The following UBASH3B variants were observed in gnomAD, a reference collection of about 807,000 sequenced individuals.
UBASH3B encodes ubiquitin associated and SH3 domain containing B, also known as ubiquitin-associated and SH3 domain-containing protein B.
Under a neutral mutation model 83.4 loss-of-function variants are expected in UBASH3B, and 37 were observed. That is an observed-to-expected ratio of 0.44 (90% CI 0.34 to 0.58). The LOEUF is 0.58. UBASH3B is among the 20% of genes least tolerant of loss of function. UBASH3B has a pLI of 0.01. For synonymous variants in UBASH3B, 304 were observed against 318.3 expected (o/e 0.96, Z 0.48); for missense variants, 657 against 827.2 (o/e 0.79, Z 2.52).
intron 1 of UBASH3B, among the ~76,000 whole-genome samples, chr11:122,688,083 C>T (rs1863830932): frequency 6.6e-6 from 1 of 152,098 alleles, no homozygotes; most frequent in Admixed American, 6.5e-5. Context: ...TGGTTTCCCA[C>T]CTATTTACTG....
intron 1 of UBASH3B, chr11:122,774,045 C>T (rs563726832): frequency 1.4e-5 from 14 of 984,948 alleles, no homozygotes; most frequent in East Asian, 1.1e-4. Context: ...TGTGCATACA[C>T]GGCTTCTGTA....
intron 9 of UBASH3B, among the ~76,000 whole-genome samples, chr11:122,797,458 C>T (rs1393071922): frequency 6.6e-6 from 1 of 152,218 alleles, no homozygotes; most frequent in Non-Finnish European, 1.5e-5. Context: ...CATTCCATTA[C>T]TGGCACGGGG....
intron 5 of UBASH3B, among the ~76,000 whole-genome samples, chr11:122,786,798 G>T (rs1342507822): frequency 6.6e-6 from 1 of 152,214 alleles, no homozygotes; most frequent in African/African-American, 2.4e-5. Context: ...AGTGAGAAAG[G>T]GCATTGGGGA....
intron 1 of UBASH3B, among the ~76,000 whole-genome samples, chr11:122,746,427 G>A (rs1299811360): frequency 6.6e-6 from 1 of 152,154 alleles, no homozygotes; most frequent in Non-Finnish European, 1.5e-5. Context: ...AGTTATCTGA[G>A]GTATAAGATG....
intron 11 of UBASH3B, 115 bp downstream of exon 11, chr11:122,801,447 A>T (rs1316359701): frequency 1.2e-5 from 15 of 1,232,930 alleles, no homozygotes; most frequent in Non-Finnish European, 1.6e-5. Flanking sequence ...GCAGTTGTCC[A>T]TAGTGGTGGA....
At chr11:122,809,308 C>T (rs1166186184) in intron 13 of UBASH3B, among the ~76,000 whole-genome samples, 1 of 152,220 alleles carries the variant, frequency 6.6e-6, no homozygotes, top group African/African-American at 2.4e-5. Context: ...CTCTTGACCT[C>T]AAGTGACCCG....
At chr11:122,720,242 A>T (rs189212070) in intron 1 of UBASH3B, among the ~76,000 whole-genome samples, 9 of 152,186 alleles carry the variant, frequency 5.9e-5, no homozygotes, top group Admixed American at 5.9e-4. Context: ...TCCAAGCAGG[A>T]TAACTCTTTC....
intron 1 of UBASH3B, among the ~76,000 whole-genome samples, chr11:122,674,379 CTTTTT>C (rs35529594): frequency 2.3e-5 from 3 of 133,174 alleles, no homozygotes; most frequent in African/African-American, 2.8e-5. Flanking sequence ...CATTGTCTGT[CTTTTT>C]TTTTTTTTTT....
chr11:122,738,078 G>A (rs931763025), intron 1 of UBASH3B, among the ~76,000 whole-genome samples: 1 of 152,188 alleles, frequency 6.6e-6, no homozygotes, highest in Non-Finnish European at 1.5e-5. Flanking sequence ...AACAAAGGGA[G>A]GGCTCCTAAT....
chr11:122,667,191 G>A (rs772934787), intron 1 of UBASH3B, among the ~76,000 whole-genome samples: 5 of 151,410 alleles, frequency 3.3e-5, no homozygotes, highest in East Asian at 1.9e-4. Flanking sequence ...TTACAGGCAC[G>A]CACCACCACC....
intron 1 of UBASH3B, among the ~76,000 whole-genome samples, chr11:122,766,876 A>G (rs947598175): frequency 5.9e-5 from 9 of 152,292 alleles, no homozygotes; most frequent in Non-Finnish European, 1.0e-4. Flanking sequence ...TTGTGCTTCT[A>G]CTCTCCCACC....
At chr11:122,711,423 C>T (rs1478553282) in intron 1 of UBASH3B, among the ~76,000 whole-genome samples, 1 of 152,208 alleles carries the variant, frequency 6.6e-6, no homozygotes, top group Non-Finnish European at 1.5e-5. Flanking sequence ...AGATGGTCAC[C>T]CCTGAGTCCA....
In UBASH3B at chr11:122,692,257, A is replaced by T. The variant is rs554203282; in HGVS notation, c.161+36047A>T. Among the ~76,000 whole-genome samples, 11 of 152,208 alleles carry T rather than the reference A, an allele frequency of 7.2e-5. No homozygotes were observed. The South Asian group carries it at 2.3e-3, about 32-fold the overall frequency. On this transcript the variant is annotated intron_variant, in intron 1 of 13. Coordinates refer to ENST00000284273, the MANE Select transcript of UBASH3B (RefSeq NM_032873.5). Reference sequence around the variant, plus strand: ...TATGTTTATGGTTTTACTGACCTCAACTCCAGGGACTTTTGGGATTGCTAA... The same window carrying T: ...TATGTTTATGGTTTTACTGACCTCATCTCCAGGGACTTTTGGGATTGCTAA...
chr11:122,797,857 A>G (rs900976703), intron 9 of UBASH3B, among the ~76,000 whole-genome samples: 3 of 152,212 alleles, frequency 2.0e-5, no homozygotes, highest in Non-Finnish European at 4.4e-5. Context: ...TGCAGGGGAA[A>G]CAAAGTGTCT....
intron 1 of UBASH3B, among the ~76,000 whole-genome samples, chr11:122,740,851 A>G (rs1016869647): frequency 3.9e-5 from 6 of 152,200 alleles, no homozygotes; most frequent in African/African-American, 7.2e-5. Context: ...AAAATTCACT[A>G]TATTACTTTT....
At chr11:122,782,690 T>C (rs1860875955) in intron 4 of UBASH3B, 1 of 175,320 alleles carries the variant, frequency 5.7e-6, no homozygotes, top group Non-Finnish European at 1.2e-5. Flanking sequence ...ACATGCTTTG[T>C]ATTTCTACAC....
At chr11:122,793,105 G>A (rs1861088754) in intron 6 of UBASH3B, among the ~76,000 whole-genome samples, 1 of 152,142 alleles carries the variant, frequency 6.6e-6, no homozygotes, top group South Asian at 2.1e-4. Context: ...TATGGGCCAG[G>A]TGCAGTGGCT....
intron 1 of UBASH3B, among the ~76,000 whole-genome samples, chr11:122,729,910 T>G (rs1004389769): frequency 7.5e-6 from 1 of 133,570 alleles, no homozygotes; most frequent in Non-Finnish European, 1.5e-5. Context: ...GCATGGGAGT[T>G]CGAGGCTGCA....
chr11:122,799,811 G>A (rs144178423), intron 10 of UBASH3B, among the ~76,000 whole-genome samples: 54 of 152,286 alleles, frequency 3.5e-4, no homozygotes, highest in African/African-American at 1.1e-3. Flanking sequence ...CTGTGGAAGC[G>A]TGAGTTACAG....
Sources: allele counts gnomAD v4.1 joint callset (sites outside exome capture counted in the v4.1 genomes callset), GRCh38; gene constraint gnomAD v4.1.1; transcripts MANE v1.5; gene names NCBI Gene and HGNC (gene_info 2026-07-23, HGNC 2026-07-21).